The following CADPS variants were observed in gnomAD, a reference collection of about 807,000 sequenced individuals.
The protein encoded by CADPS is calcium-dependent secretion activator 1.
A neutral mutation model predicts 167.3 loss-of-function variants in CADPS; 57 were observed. The ratio of observed to expected loss-of-function variants is 0.34; its 90% confidence interval spans 0.28 to 0.42. The LOEUF (loss-of-function observed/expected upper bound fraction) is 0.42. Among genes scored for constraint, CADPS ranks in the 20% least tolerant of loss-of-function variants. The pLI is 1.00. For synonymous variants in CADPS, 676 were observed against 635.3 expected, an observed-to-expected ratio of 1.06 and a Z score of -0.96; for missense variants, 1,414 against 1,738.1, an observed-to-expected ratio of 0.81 and a Z score of 3.32.
chr3:62,399,258 G>C lies in CADPS; in HGVS notation c.*148C>G. 1 of 667,114 alleles carries C rather than the reference G, an allele frequency of 1.5e-6. No individual in the cohort carries two copies. Among genetic ancestry groups the C allele is most frequent in the Middle Eastern group, 4.2e-4 (1 of 2,388 alleles). 41.3% of individuals were successfully genotyped at this position (667,114 alleles called of 1,614,324 possible). ...GATATGAAGGTCATTTGCTAATCTTGGTACCACATAGCTAAAATGGCAGTT... is the reference window on the plus strand; with the variant it reads ...GATATGAAGGTCATTTGCTAATCTTCGTACCACATAGCTAAAATGGCAGTT... On this transcript the variant is annotated 3_prime_UTR_variant, in exon 30 of 30. Coordinates refer to ENST00000383710, the MANE Select transcript of CADPS (RefSeq NM_003716.4). This position sits in a 1 kb window ranked among gnomAD's most constrained non-coding sequence, Gnocchi z 5.6.
At chr3:62,840,093 C>G (rs2076432845) in intron 1 of CADPS, among the ~76,000 whole-genome samples, 1 of 152,156 alleles carries the variant, frequency 6.6e-6, no homozygotes, top group South Asian at 2.1e-4. Context: ...TGTTCATGGA[C>G]TGCTTCATAA....
At chr3:62,715,841 C>T (rs1269170062) in intron 3 of CADPS, among the ~76,000 whole-genome samples, 1 of 68,722 alleles carries the variant, frequency 1.5e-5, no homozygotes, top group African/African-American at 4.4e-5. Flanking sequence ...ACTGCAAGCT[C>T]CGCCTCCCGG....
At chr3:62,413,740 C>CA (rs766877913) in intron 28 of CADPS, among the ~76,000 whole-genome samples, 2 of 152,002 alleles carry the variant, frequency 1.3e-5, no homozygotes, top group African/African-American at 2.4e-5. Flanking sequence ...ATGGTTAAGA[C>CA]AGTACATTTT....
At chr3:62,817,180 G>T (rs1338557971) in intron 1 of CADPS, among the ~76,000 whole-genome samples, 1 of 151,708 alleles carries the variant, frequency 6.6e-6, no homozygotes, top group Non-Finnish European at 1.5e-5. Flanking sequence ...TAAACATCAC[G>T]ATAACAGAAT....
At chr3:62,442,117 A>T (rs2056414150) in intron 27 of CADPS, among the ~76,000 whole-genome samples, 1 of 151,660 alleles carries the variant, frequency 6.6e-6, no homozygotes, top group African/African-American at 2.4e-5. Flanking sequence ...ACAAACCAGA[A>T]ATTTTTTTTT....
intron 3 of CADPS, among the ~76,000 whole-genome samples, chr3:62,713,052 A>G (rs1287226213): frequency 6.6e-6 from 1 of 152,220 alleles, no homozygotes; most frequent in Non-Finnish European, 1.5e-5. Context: ...GCATGGCTGA[A>G]TTGTTGCTCA....
At chr3:62,840,571 A>T (rs2076506964) in intron 1 of CADPS, among the ~76,000 whole-genome samples, 2 of 152,096 alleles carry the variant, frequency 1.3e-5, no homozygotes, top group Admixed American at 1.3e-4. Context: ...ACTTTTTTAT[A>T]TATGTATATA....
intron 4 of CADPS, among the ~76,000 whole-genome samples, chr3:62,660,778 T>C (rs1431671123): frequency 6.6e-6 from 1 of 152,234 alleles, no homozygotes; most frequent in Non-Finnish European, 1.5e-5. Context: ...TTATATTTTA[T>C]TCTTCATGGA....
chr3:62,540,398 T>C (rs1448266304), intron 11 of CADPS, among the ~76,000 whole-genome samples: 1 of 152,132 alleles, frequency 6.6e-6, no homozygotes, highest in Non-Finnish European at 1.5e-5. Flanking sequence ...TTATTTCCCC[T>C]GCCAGCTCTT....
intron 1 of CADPS, among the ~76,000 whole-genome samples, chr3:62,785,458 G>C (rs1182401561): frequency 6.6e-6 from 1 of 152,082 alleles, no homozygotes; most frequent in Non-Finnish European, 1.5e-5. Flanking sequence ...CATCGTTTTT[G>C]TTGTTGTTGT....
At chr3:62,590,805 G>C (rs1562567736) in intron 7 of CADPS, among the ~76,000 whole-genome samples, 1 of 151,954 alleles carries the variant, frequency 6.6e-6, no homozygotes, top group Non-Finnish European at 1.5e-5. Flanking sequence ...TTTCAGGAGT[G>C]ATTACACATT....
At chr3:62,400,103 A>G (rs1325090397) in intron 29 of CADPS, among the ~76,000 whole-genome samples, 3 of 152,202 alleles carry the variant, frequency 2.0e-5, no homozygotes, top group African/African-American at 7.2e-5. Context: ...GGTATATGAA[A>G]CCTATTACAG....
rs1471818451 is a variant in CADPS, at chr3:62,467,377, A to G, written c.3478-964T>C. ...GAACAGTGCAAATACAAATTAGGAC[A>G]AAAGGACACATGAGAAAATAAAAAT... On this transcript the variant is annotated intron_variant, in intron 24 of 29. Coordinates refer to ENST00000383710, the MANE Select transcript of CADPS (RefSeq NM_003716.4). 3 of 850,056 alleles carry G rather than the reference A, an allele frequency of 3.5e-6. No individual in the cohort carries two copies. The African/African-American group carries it at 5.5e-5, about 16-fold the overall frequency. The allele number at this position is 850,056 out of a possible 1,614,324, so 52.7% of individuals were successfully genotyped here.
chr3:62,865,890 A>G (rs554441021), intron 1 of CADPS, among the ~76,000 whole-genome samples: 1 of 152,082 alleles, frequency 6.6e-6, no homozygotes, highest in Admixed American at 6.5e-5. Flanking sequence ...GAAAATGAGC[A>G]CATTTATTTA....
intron 3 of CADPS, among the ~76,000 whole-genome samples, chr3:62,667,167 G>T (rs559982852): frequency 6.6e-6 from 1 of 151,190 alleles, no homozygotes; most frequent in Admixed American, 6.6e-5. Context: ...TGAGGATTAA[G>T]TCAGATGATA....
chr3:62,486,586 A>C (rs1026093688), intron 21 of CADPS, among the ~76,000 whole-genome samples: 1 of 152,212 alleles, frequency 6.6e-6, no homozygotes, highest in Non-Finnish European at 1.5e-5. Flanking sequence ...TACAGTGTGC[A>C]TATATTAAGA....
intron 11 of CADPS, among the ~76,000 whole-genome samples, chr3:62,547,663 C>G (rs372716478): frequency 1.5e-5 from 2 of 132,632 alleles, no homozygotes; most frequent in African/African-American, 5.6e-5. Context: ...CTTATTTCAA[C>G]TAGAGTAGTG....
At chr3:62,599,626 A>AT in intron 6 of CADPS, among the ~76,000 whole-genome samples, 2 of 12,308 alleles carry the variant, frequency 1.6e-4, no homozygotes, top group African/African-American at 1.9e-4. Context: ...TATAATATAT[A>AT]ATATAATAAA....
intron 6 of CADPS, among the ~76,000 whole-genome samples, chr3:62,610,080 C>A (rs1355744612): frequency 6.6e-6 from 1 of 151,724 alleles, no homozygotes; most frequent in East Asian, 1.9e-4. Context: ...CAGAGTGAGA[C>A]CCTTTCTGGA....
Sources: allele counts gnomAD v4.1 joint callset (sites outside exome capture counted in the v4.1 genomes callset), GRCh38; gene constraint gnomAD v4.1.1; non-coding constraint Gnocchi (gnomAD v3.1); transcripts MANE v1.5; gene names NCBI Gene and HGNC (gene_info 2026-07-23, HGNC 2026-07-21).